Variants in AUTS2 observed in about 807,000 individuals in gnomAD.
AUTS2 encodes activator of transcription and developmental regulator AUTS2.
In AUTS2, 17 loss-of-function variants were observed where a neutral mutation model predicts 112.4. That is an observed-to-expected ratio of 0.15 (90% CI 0.10 to 0.23). The LOEUF is 0.23. Among genes scored for constraint, AUTS2 ranks in the 10% least tolerant of loss-of-function variants. AUTS2 has a pLI of 1.00. For missense variants in AUTS2, 1,510 were observed against 1,701.6 expected (o/e 0.89, Z 1.98); for synonymous variants, 751 against 702.7 (o/e 1.07, Z -1.09).
intron 4 of AUTS2, among the ~76,000 whole-genome samples, chr7:70,434,557 A>G (rs1795811452): frequency 6.6e-6 from 1 of 152,196 alleles, no homozygotes; most frequent in Admixed American, 6.5e-5. Flanking sequence ...TTGCTGTGCC[A>G]TCTGCTTCTG....
chr7:70,074,537 C>A (rs552989789), intron 2 of AUTS2, among the ~76,000 whole-genome samples: 1 of 152,228 alleles, frequency 6.6e-6, no homozygotes, highest in East Asian at 1.9e-4. Flanking sequence ...CCTTAAAAAC[C>A]CTGTTTAAGG....
chr7:70,658,466 C>A (rs139942984), intron 5 of AUTS2, among the ~76,000 whole-genome samples: 7 of 152,244 alleles, frequency 4.6e-5, no homozygotes, highest in African/African-American at 1.7e-4. Context: ...CAGCCCCTCA[C>A]GGGGCTGATC....
At chr7:70,479,822 C>T (rs1797720016) in intron 5 of AUTS2, among the ~76,000 whole-genome samples, 1 of 152,190 alleles carries the variant, frequency 6.6e-6, no homozygotes, top group Admixed American at 6.5e-5. Context: ...CCTAAATCAG[C>T]TTTCACCACT....
intron 4 of AUTS2, among the ~76,000 whole-genome samples, chr7:70,296,999 G>C (rs1317292970): frequency 2.7e-5 from 4 of 147,688 alleles, no homozygotes; most frequent in Non-Finnish European, 6.0e-5. Flanking sequence ...GCACCATAAT[G>C]CCTGACTTTT....
chr7:70,592,016 G>C (rs1047560113), intron 5 of AUTS2, among the ~76,000 whole-genome samples: 1 of 152,082 alleles, frequency 6.6e-6, no homozygotes, highest in African/African-American at 2.4e-5. Context: ...GGTTATAAAT[G>C]CAATATATGC....
intron 2 of AUTS2, among the ~76,000 whole-genome samples, chr7:70,013,967 C>T (rs1040936153): frequency 6.6e-6 from 1 of 152,160 alleles, no homozygotes; most frequent in Non-Finnish European, 1.5e-5. Context: ...CCACCCACCT[C>T]GGCCTCCCAA....
chr7:70,141,714 A>G (rs1160736942), intron 4 of AUTS2, among the ~76,000 whole-genome samples: 1 of 152,136 alleles, frequency 6.6e-6, no homozygotes, highest in African/African-American at 2.4e-5. Flanking sequence ...AGAAAATATA[A>G]TTGTATTTCC....
At chr7:70,779,304 G>T (rs1246628999) in intron 14 of AUTS2, among the ~76,000 whole-genome samples, 1 of 152,134 alleles carries the variant, frequency 6.6e-6, no homozygotes, top group African/African-American at 2.4e-5. Flanking sequence ...GTTCATTTAC[G>T]CATTCTTTTA....
At chr7:70,044,566 C>A (rs1315678985) in intron 2 of AUTS2, among the ~76,000 whole-genome samples, 1 of 152,096 alleles carries the variant, frequency 6.6e-6, no homozygotes, top group African/African-American at 2.4e-5. Flanking sequence ...GAGAAAAAAT[C>A]TCAAATTAAT....
chr7:70,385,985 C>T (rs1484015708), intron 4 of AUTS2, among the ~76,000 whole-genome samples: 3 of 152,166 alleles, frequency 2.0e-5, no homozygotes, highest in East Asian at 1.9e-4. Flanking sequence ...GAAACATAGA[C>T]GTTGGTCCTC....
At chr7:69,854,875 A>G (rs1792648499) in intron 1 of AUTS2, among the ~76,000 whole-genome samples, 1 of 152,112 alleles carries the variant, frequency 6.6e-6, no homozygotes, top group Non-Finnish European at 1.5e-5. Flanking sequence ...CATCTGTAAG[A>G]TTTCACTCAT....
chr7:70,041,274 T>TA (rs1165992344), intron 2 of AUTS2, among the ~76,000 whole-genome samples: 1 of 152,200 alleles, frequency 6.6e-6, no homozygotes, highest in Non-Finnish European at 1.5e-5. Context: ...ATATTATCCA[T>TA]AAAATATACT....
intron 5 of AUTS2, among the ~76,000 whole-genome samples, chr7:70,577,740 T>C (rs1802231095): frequency 1.3e-5 from 2 of 152,256 alleles, no homozygotes; most frequent in South Asian, 4.1e-4. Flanking sequence ...AACAATTTAC[T>C]AAGCTATGTT....
chr7:70,366,551 A>T (rs1294632637), intron 4 of AUTS2, among the ~76,000 whole-genome samples: 1 of 152,182 alleles, frequency 6.6e-6, no homozygotes, highest in Non-Finnish European at 1.5e-5. Flanking sequence ...TTAGGCCCCA[A>T]ATCCTCCAGA....
At position 69,915,722 on chromosome 7, in the gene AUTS2, T is replaced by TTTTA. The variant is rs766383795; in HGVS notation, c.522+16243_522+16246dup. Among the ~76,000 whole-genome samples the TTTTA allele has an allele frequency of 3.9e-4, 59 of 152,238 alleles. 1 individual carries two copies. The highest frequency in any genetic ancestry group is 2.9e-3 in the South Asian group (14 of 4,828). The stretch of plus-strand genomic sequence containing the variant: ...AGACCTTCAGAATTTGAATAGAAAT[T>TTTTA]TTTATTTATTTATTTATTTATTGAG... On this transcript the variant is annotated intron_variant, in intron 2 of 18. Coordinates refer to ENST00000342771, the MANE Select transcript of AUTS2 (RefSeq NM_015570.4).
In AUTS2 at chr7:69,598,571, A is replaced by AGCG. The variant is rs1361080540; in HGVS notation, c.-1073_-1071dup. 5.9e-6 allele frequency: 1 copy of AGCG among 169,632 alleles called. No homozygotes were observed. Among genetic ancestry groups the AGCG allele is most frequent in the African/African-American group, 2.6e-5 (1 of 38,542 alleles). 10.5% of individuals were successfully genotyped at this position (169,632 alleles called of 1,614,324 possible). ...CGGCGGCGGCAGCAGCAGCAGCGTTAGCGGCGGCGGCGAGAGCAGCGTTCC... is the reference window on the plus strand; with the variant it reads ...CGGCGGCGGCAGCAGCAGCAGCGTTAGCGGCGGCGGCGGCGAGAGCAGCGTTCC... On this transcript the variant is annotated 5_prime_UTR_variant, in exon 1 of 19. Transcript: ENST00000342771.
intron 4 of AUTS2, among the ~76,000 whole-genome samples, chr7:70,302,739 G>A (rs973005870): frequency 1.3e-5 from 2 of 151,996 alleles, no homozygotes; most frequent in Non-Finnish European, 2.9e-5. Context: ...TTACCAATTT[G>A]ATGGTCTTGA....
intron 6 of AUTS2, 156 bp downstream of exon 6, chr7:70,698,776 C>T (rs995255732): frequency 2.0e-5 from 11 of 550,824 alleles, no homozygotes; most frequent in Non-Finnish European, 3.1e-5. Flanking sequence ...AGTCTGCATA[C>T]TTTGTGATGC....
chr7:69,874,784 A>G (rs985289109), intron 1 of AUTS2, among the ~76,000 whole-genome samples: 1 of 151,932 alleles, frequency 6.6e-6, no homozygotes, highest in Admixed American at 6.6e-5. Flanking sequence ...TCAGCCTCCC[A>G]AGTACCTGGG....
Sources: gnomAD v4.1 joint callset for allele counts (sites outside exome capture counted in the v4.1 genomes callset) on GRCh38, gnomAD v4.1.1 for gene constraint, MANE v1.5 for transcripts, NCBI Gene and HGNC (gene_info 2026-07-23, HGNC 2026-07-21) for gene names.